The following LRRC37A2 variants were observed in gnomAD, a reference collection of about 807,000 sequenced individuals.
LRRC37A2 encodes leucine-rich repeat-containing protein 37A2.
In LRRC37A2, 9 loss-of-function variants were observed where a neutral mutation model predicts 68.8. The observed-to-expected ratio is 0.13, with a 90% CI of 0.08 to 0.23. The LOEUF (loss-of-function observed/expected upper bound fraction) is 0.23, where lower values mean the gene tolerates loss of function less well. LRRC37A2 is among the 10% of genes least tolerant of loss of function. The pLI, the probability that LRRC37A2 is intolerant of heterozygous loss-of-function variation, is 1.00. For missense variants in LRRC37A2, 168 were observed against 950.4 expected (o/e 0.18, Z 10.82); for synonymous variants, 63 against 367.6 (o/e 0.17, Z 9.48).
the LRRC37A2 span, among the ~76,000 whole-genome samples, chr17:46,822,779 C>G: frequency 1.3e-5 from 2 of 152,076 alleles, no homozygotes; most frequent in African/African-American, 4.8e-5. Context: ...CAGGTGATGC[C>G]GGTCCAGGGC....
chr17:46,806,896 G>A, the LRRC37A2 span, among the ~76,000 whole-genome samples: 19 of 152,342 alleles, frequency 1.2e-4, no homozygotes, highest in African/African-American at 3.4e-4. Flanking sequence ...TGCTGGGGAC[G>A]GGAGCAGCTC....
the LRRC37A2 span, among the ~76,000 whole-genome samples, chr17:47,008,055 C>A: frequency 6.6e-6 from 1 of 150,422 alleles, no homozygotes; most frequent in African/African-American, 2.4e-5. Context: ...ATTAAGTTTT[C>A]AAAAATCAAA....
the LRRC37A2 span, chr17:46,722,199 CT>C: frequency 6.3e-7 from 1 of 1,581,266 alleles, no homozygotes; most frequent in Non-Finnish European, 8.7e-7. Flanking sequence ...GCAGCGCCTG[CT>C]TAGGAAGAGA....
chr17:46,722,128 C>T, the LRRC37A2 span: 8 of 1,611,890 alleles, frequency 5.0e-6, no homozygotes, highest in African/African-American at 2.7e-5. Flanking sequence ...TCCGGCTTCT[C>T]GCCATTGGGC....
chr17:46,823,215 T>C, the LRRC37A2 span, among the ~76,000 whole-genome samples: 1 of 135,754 alleles, frequency 7.4e-6, no homozygotes, highest in East Asian at 2.0e-4. Context: ...TAATATATTA[T>C]ATATTATATA....
chr17:46,502,645 C>CT, the LRRC37A2 span, among the ~76,000 whole-genome samples: 2 of 151,366 alleles, frequency 1.3e-5, no homozygotes, highest in South Asian at 2.1e-4. Flanking sequence ...TAGTTGCTGT[C>CT]TTTTTTGCTT....
the LRRC37A2 span, among the ~76,000 whole-genome samples, chr17:46,495,502 A>T: frequency 1.5e-3 from 217 of 147,596 alleles, 12 homozygotes; most frequent in African/African-American, 5.3e-3. Context: ...CTCGTGCCTC[A>T]GCCTCCCAAG....
the LRRC37A2 span, among the ~76,000 whole-genome samples, chr17:47,012,164 ATTG>A: frequency 6.6e-6 from 1 of 152,094 alleles, no homozygotes; most frequent in East Asian, 1.9e-4. Flanking sequence ...TCAACCTTTT[ATTG>A]TCAGGAAGAG....
At chr17:47,017,397 C>G in the LRRC37A2 span, 4 of 1,479,962 alleles carry the variant, frequency 2.7e-6, no homozygotes, top group East Asian at 2.3e-5. Flanking sequence ...CCATTTCCCA[C>G]GGGAATCTCC....
the LRRC37A2 span, chr17:46,885,463 C>T: frequency 5.0e-4 from 78 of 155,068 alleles, no homozygotes; most frequent in Non-Finnish European, 6.3e-4. Flanking sequence ...CCACCACGCT[C>T]AGCTAATTTT....
the LRRC37A2 span, among the ~76,000 whole-genome samples, chr17:46,962,778 A>G: frequency 6.6e-6 from 1 of 152,224 alleles, no homozygotes; most frequent in Non-Finnish European, 1.5e-5. Flanking sequence ...AGTTGAGCCC[A>G]GTTAACCTGC....
At chr17:47,014,241 T>C in the LRRC37A2 span, among the ~76,000 whole-genome samples, 1 of 149,970 alleles carries the variant, frequency 6.7e-6, no homozygotes, top group East Asian at 2.0e-4. Context: ...AATACAAAAA[T>C]TAGCTGGGTG....
the LRRC37A2 span, among the ~76,000 whole-genome samples, chr17:46,706,882 A>G: frequency 7.8e-4 from 112 of 143,310 alleles, 1 homozygote; most frequent in East Asian, 0.021. Context: ...ATGGAGTCTC[A>G]CTCTGTCGCC....
chr17:46,917,912 C>T, the LRRC37A2 span, among the ~76,000 whole-genome samples: 3 of 152,122 alleles, frequency 2.0e-5, no homozygotes, highest in African/African-American at 7.2e-5. Flanking sequence ...AGAGATAGTT[C>T]CTGGACCCAG....
chr17:46,390,009 G>T, the LRRC37A2 span, among the ~76,000 whole-genome samples: 1 of 151,332 alleles, frequency 6.6e-6, no homozygotes, highest in Non-Finnish European at 1.5e-5. Context: ...TAGACTTGGT[G>T]GCTTAAACAA....
chr17:46,422,856 TA>T, the LRRC37A2 span, among the ~76,000 whole-genome samples: 1 of 110,652 alleles, frequency 9.0e-6, no homozygotes, highest in Non-Finnish European at 2.1e-5. Flanking sequence ...AAATAAATAA[TA>T]AGAAACGCAT....
the LRRC37A2 span, among the ~76,000 whole-genome samples, chr17:46,840,276 C>T: frequency 1.3e-5 from 2 of 151,938 alleles, no homozygotes; most frequent in Admixed American, 6.6e-5. Context: ...TTAGTAGAGA[C>T]GGGGTTTCAC....
At chr17:46,545,860 T>C (rs2056231744) in intron 8 of LRRC37A2, among the ~76,000 whole-genome samples, 2 of 150,452 alleles carry the variant, frequency 1.3e-5, no homozygotes, top group African/African-American at 5.0e-5. Context: ...GAGTAATTTA[T>C]AATATTTCCC....
chr17:46,984,514 C>G, the LRRC37A2 span, among the ~76,000 whole-genome samples: 1 of 152,232 alleles, frequency 6.6e-6, no homozygotes, highest in African/African-American at 2.4e-5. Flanking sequence ...AGGGACAAGT[C>G]TGCATTTCCC....
Sources: allele counts gnomAD v4.1 joint callset (sites outside exome capture counted in the v4.1 genomes callset), GRCh38; gene constraint gnomAD v4.1.1; transcripts MANE v1.5; gene names NCBI Gene and HGNC (gene_info 2026-07-23, HGNC 2026-07-21).